Variants in SMU1 observed in about 807,000 individuals in gnomAD.
SMU1 encodes the protein WD40 repeat-containing protein SMU1.
A neutral mutation model predicts 62.0 loss-of-function variants in SMU1; 2 were observed. The observed-to-expected ratio is 0.03, with a 90% CI of 0.01 to 0.10. The LOEUF (loss-of-function observed/expected upper bound fraction) is 0.10, where lower values mean the gene tolerates loss of function less well. SMU1 is among the 10% of genes least tolerant of loss of function. SMU1 has a pLI of 1.00. For synonymous variants in SMU1, 188 were observed against 212.4 expected (o/e 0.89, Z 1.00); for missense variants, 227 against 622.1 (o/e 0.36, Z 6.76).
Position 33,053,008 on chromosome 9 carries a change from G to A in SMU1, c.1290+115C>T, listed in dbSNP as rs550203452. The A allele has an allele frequency of 4.5e-5, 37 of 830,708 alleles. No homozygotes were observed. The South Asian group carries it at 4.5e-4, about 10-fold the overall frequency. 51.5% of individuals were successfully genotyped at this position (830,708 alleles called of 1,614,324 possible). On this transcript the variant is annotated intron_variant, in intron 10 of 11. Coordinates refer to ENST00000397149, the MANE Select transcript of SMU1 (RefSeq NM_018225.3). ...TCTGAAAAACAAATACAGCTTAAAC[G>A]GTTTACAGAGAAATGAACCCAAATT...
At chr9:33,076,460 G>C in intron 1 of SMU1, 123 bp downstream of exon 1, 1 of 1,194,626 alleles carries the variant, frequency 8.4e-7, no homozygotes, top group South Asian at 1.3e-5. Flanking sequence ...TGCTTCTTTG[G>C]GGGCAAGGAA....
At chr9:33,053,035 G>T in intron 10 of SMU1, 88 bp downstream of exon 10, 1 of 1,170,198 alleles carries the variant, frequency 8.5e-7, no homozygotes, top group Non-Finnish European at 1.2e-6. Flanking sequence ...ACCCAAATTT[G>T]GTTATTGGGA....
intron 4 of SMU1, among the ~76,000 whole-genome samples, chr9:33,068,103 C>T (rs368969336): frequency 2.0e-5 from 3 of 152,176 alleles, no homozygotes; most frequent in African/African-American, 7.2e-5. Context: ...ACTCTCAATA[C>T]TGTGACGAGT....
chr9:33,060,849 T>G (rs1214727493), intron 5 of SMU1, among the ~76,000 whole-genome samples: 1 of 152,232 alleles, frequency 6.6e-6, no homozygotes, highest in African/African-American at 2.4e-5. Context: ...ACAAAAGCTA[T>G]TTTAACATGG....
chr9:33,069,064 G>A (rs10971383), intron 3 of SMU1, 130 bp from the exon 4 acceptor site: 155,437 of 1,344,276 alleles, frequency 0.12, 10,123 homozygotes, highest in East Asian at 0.3. Context: ...TTAAAGAAGG[G>A]ATTAGTTGAA....
intron 11 of SMU1, among the ~76,000 whole-genome samples, chr9:33,047,778 G>A (rs1270910687): frequency 6.6e-6 from 1 of 152,066 alleles, no homozygotes; most frequent in Non-Finnish European, 1.5e-5. Flanking sequence ...AGAATCACTT[G>A]AAACCAGGAG....
At chr9:33,065,260 A>G (rs1018541078) in intron 4 of SMU1, among the ~76,000 whole-genome samples, 1 of 152,082 alleles carries the variant, frequency 6.6e-6, no homozygotes, top group African/African-American at 2.4e-5. Context: ...CCTAGTTTCT[A>G]CCCCAGCCCC....
chr9:33,058,022 A>C (rs1157909042), intron 6 of SMU1, among the ~76,000 whole-genome samples: 4 of 152,124 alleles, frequency 2.6e-5, no homozygotes, highest in African/African-American at 9.7e-5. Flanking sequence ...AATAAATCTG[A>C]ATTTACCTAT....
chr9:33,048,926 C>T (rs991952148), intron 10 of SMU1, among the ~76,000 whole-genome samples: 2 of 152,134 alleles, frequency 1.3e-5, no homozygotes, highest in African/African-American at 4.8e-5. Flanking sequence ...TAACAAAATA[C>T]ATACAATATT....
At chr9:33,052,657 CAA>C in intron 10 of SMU1, among the ~76,000 whole-genome samples, 1 of 152,316 alleles carries the variant, frequency 6.6e-6, no homozygotes, top group Middle Eastern at 3.4e-3. Context: ...TCACAGTCCA[CAA>C]AAGTGAGATT....
chr9:33,070,885 CG>C (rs1839478355), intron 3 of SMU1, among the ~76,000 whole-genome samples: 1 of 151,304 alleles, frequency 6.6e-6, no homozygotes, highest in Admixed American at 6.6e-5. Context: ...GTGGAGGTGG[CG>C]GGGGTAAGAA....
At chr9:33,057,303 A>T (rs1839314072) in intron 7 of SMU1, among the ~76,000 whole-genome samples, 4 of 152,176 alleles carry the variant, frequency 2.6e-5, no homozygotes, top group African/African-American at 7.2e-5. Context: ...TTAAAAAAAA[A>T]GTTAGTTATT....
chr9:33,064,639 A>T (rs1754906771), intron 4 of SMU1, among the ~76,000 whole-genome samples: 1 of 152,208 alleles, frequency 6.6e-6, no homozygotes, highest in Admixed American at 6.5e-5. Flanking sequence ...GTCCACTACC[A>T]AAATGATGCA....
intron 10 of SMU1, among the ~76,000 whole-genome samples, chr9:33,049,631 C>T (rs1043726844): frequency 6.6e-6 from 1 of 152,110 alleles, no homozygotes; most frequent in African/African-American, 2.4e-5. Context: ...TCTGTAAAAG[C>T]CACTGTCAAG....
intron 2 of SMU1, among the ~76,000 whole-genome samples, chr9:33,072,868 A>T (rs904104936): frequency 1.3e-5 from 2 of 151,952 alleles, no homozygotes; most frequent in African/African-American, 4.8e-5. Flanking sequence ...ACAAAAACCA[A>T]AAACCAATTT....
At position 33,076,658 on chromosome 9, in the gene SMU1, C is replaced by T. The variant is rs757500034; in HGVS notation, c.-50G>A. 1.9e-6 allele frequency: 3 copies of T among 1,613,132 alleles called. No individual in the cohort carries two copies. The highest frequency in any genetic ancestry group is 1.1e-5 in the South Asian group (1 of 91,080). ...CCCAGCTCTCCCTCAAGGCCAGTCG[C>T]GCAACACACCAACGACACCTCCGGC... On this transcript the variant is annotated 5_prime_UTR_variant, in exon 1 of 12. Transcript: ENST00000397149.
intron 1 of SMU1, among the ~76,000 whole-genome samples, chr9:33,076,212 G>A (rs563222123): frequency 6.6e-6 from 1 of 152,326 alleles, no homozygotes; most frequent in East Asian, 1.9e-4. Context: ...GCATAAGCTG[G>A]ACAGGGAGAG....
At chr9:33,056,774 A>T in intron 8 of SMU1, 63 bp downstream of exon 8, 1 of 1,502,472 alleles carries the variant, frequency 6.7e-7, no homozygotes, top group Non-Finnish European at 9.1e-7. Context: ...AATCACTAGT[A>T]CCTCCCTCCA....
At position 33,043,898 on chromosome 9, in the gene SMU1, C is replaced by T. The variant is rs540625865; in HGVS notation, c.*3395G>A. ...GCTTACATAGCAAGGAAGGGCTCAACAGAGGCCGTTAGTGGTAGTAATAAT... is the reference window on the plus strand; with the variant it reads ...GCTTACATAGCAAGGAAGGGCTCAATAGAGGCCGTTAGTGGTAGTAATAAT... On this transcript the variant is annotated 3_prime_UTR_variant, in exon 12 of 12. Transcript: ENST00000397149. The T allele has an allele frequency of 6.8e-6, 1 of 147,830 alleles. No homozygotes were observed. The highest frequency in any genetic ancestry group is 2.0e-4 in the East Asian group (1 of 4,964). 9.2% of individuals were successfully genotyped at this position (147,830 alleles called of 1,614,324 possible).
Sources: gnomAD v4.1 joint callset for allele counts (sites outside exome capture counted in the v4.1 genomes callset) on GRCh38, gnomAD v4.1.1 for gene constraint, MANE v1.5 for transcripts, NCBI Gene and HGNC (gene_info 2026-07-23, HGNC 2026-07-21) for gene names.